Variants in EFCAB8 observed in about 807,000 individuals in gnomAD.
The protein encoded by EFCAB8 is EF-hand calcium binding domain 8.
Under a neutral mutation model 116.3 loss-of-function variants are expected in EFCAB8, and 100 were observed. The observed-to-expected ratio is 0.86, with a 90% confidence interval of 0.73 to 1.02. EFCAB8 has a LOEUF of 1.02. Among genes scored for constraint, EFCAB8 ranks in the 50% least tolerant of loss-of-function variants. The pLI is 0.00. For missense variants in EFCAB8, 1,320 were observed against 1,416.9 expected, an observed-to-expected ratio of 0.93 and a Z score of 1.10; for synonymous variants, 558 against 567.9, an observed-to-expected ratio of 0.98 and a Z score of 0.25.
At chr20:32,961,034 G>A (rs1257777350) in intron 26 of EFCAB8, 102 bp from the exon 27 acceptor site, 18 of 1,010,658 alleles carry the variant, frequency 1.8e-5, no homozygotes, top group Non-Finnish European at 2.5e-5. Context: ...CTTGGCATGG[G>A]AAGACCTCAG....
chr20:32,877,325 C>T (rs1985031136), intron 4 of EFCAB8, among the ~76,000 whole-genome samples: 1 of 148,996 alleles, frequency 6.7e-6, no homozygotes, highest in African/African-American at 2.4e-5. Flanking sequence ...TCTCCTGCCT[C>T]AGCCTCCCGA....
intron 11 of EFCAB8, among the ~76,000 whole-genome samples, chr20:32,901,027 T>G (rs1986402471): frequency 6.6e-6 from 1 of 152,240 alleles, no homozygotes; most frequent in Non-Finnish European, 1.5e-5. Context: ...AACCAAACAG[T>G]GCACTGTGTA....
chr20:32,867,866 G>T (rs1171737713), intron 3 of EFCAB8, 119 bp downstream of exon 3: 16 of 1,167,638 alleles, frequency 1.4e-5, no homozygotes, highest in Middle Eastern at 6.0e-4. Context: ...TTTGAGACAG[G>T]ATATTGCTCT....
chr20:32,889,321 C>A lies in EFCAB8; in HGVS notation c.588C>A (p.Leu196=), dbSNP rs1191973293. 6.4e-7 allele frequency: 1 copy of A among 1,551,620 alleles called. No individual in the cohort carries two copies. Among genetic ancestry groups the A allele is most frequent in the African/African-American group, 1.4e-5 (1 of 73,042 alleles). The change falls in exon 7 of 27, where the codon CTC becomes CTA. Residue 196 remains leucine, a synonymous_variant. Transcript: ENST00000400522. ...GCCAGCTTAACCAGACCCAGCAGCTCTACAACCAGCCGATGTGGGTCATTG... is the reference window on the plus strand; with the variant it reads ...GCCAGCTTAACCAGACCCAGCAGCTATACAACCAGCCGATGTGGGTCATTG... ...SSFRLNQTQQ[L]YNQPMWVIDM...
In EFCAB8 at chr20:32,890,932, A is replaced by G. The variant is rs542644346; in HGVS notation, c.674-1281A>G. 2.0e-5 allele frequency among the ~76,000 whole-genome samples: 3 copies of G among 152,318 alleles called. No homozygotes were observed. In the East Asian group the frequency reaches 5.8e-4, roughly 29 times the overall value. On this transcript the variant is annotated intron_variant, in intron 7 of 26. Transcript: ENST00000400522. ...GCAGTTAATCAACACTGACATCATTATGAGGCTAAATTGTGTGATACAGAG... is the reference window on the plus strand; with the variant it reads ...GCAGTTAATCAACACTGACATCATTGTGAGGCTAAATTGTGTGATACAGAG...
intron 11 of EFCAB8, 150 bp downstream of exon 11, chr20:32,898,773 G>A (rs1986287356): frequency 3.3e-6 from 2 of 600,900 alleles, no homozygotes; most frequent in East Asian, 5.5e-5. Context: ...AGCACGGTGA[G>A]AACACAGCAG....
chr20:32,920,935 G>T (rs1987422295), intron 20 of EFCAB8, among the ~76,000 whole-genome samples: 1 of 152,108 alleles, frequency 6.6e-6, no homozygotes, highest in African/African-American at 2.4e-5. Flanking sequence ...TACCGAACAC[G>T]AGTTGGGTAT....
intron 17 of EFCAB8, among the ~76,000 whole-genome samples, chr20:32,916,435 T>C (rs747353844): frequency 2.0e-5 from 3 of 152,196 alleles, no homozygotes; most frequent in Non-Finnish European, 4.4e-5. Context: ...TTAAAATTTT[T>C]TTTTGTAGAG....
intron 9 of EFCAB8, among the ~76,000 whole-genome samples, chr20:32,895,960 G>A (rs1361475234): frequency 2.0e-5 from 3 of 152,144 alleles, no homozygotes; most frequent in Non-Finnish European, 4.4e-5. Context: ...CACTGCGCCT[G>A]GCCCAGACAT....
chr20:32,954,485 A>G (rs751191213), intron 23 of EFCAB8, among the ~76,000 whole-genome samples: 1 of 152,094 alleles, frequency 6.6e-6, no homozygotes, highest in African/African-American at 2.4e-5. Flanking sequence ...CCATTGGTTT[A>G]TATGTCTGTT....
intron 9 of EFCAB8, among the ~76,000 whole-genome samples, chr20:32,895,313 A>ATTTTTTTTTTTT (rs11353110): frequency 1.6e-5 from 2 of 127,732 alleles, no homozygotes; most frequent in Non-Finnish European, 1.6e-5. Context: ...TTTATTTAAG[A>ATTTTTTTTTTTT]TTTTTTTTTT....
At chr20:32,893,366 C>T in intron 9 of EFCAB8, 68 bp downstream of exon 9, 4 of 1,538,466 alleles carry the variant, frequency 2.6e-6, no homozygotes, top group Non-Finnish European at 3.5e-6. Flanking sequence ...TGAGGTCATC[C>T]TGGTCCCCGA....
chr20:32,885,454 TC>T, intron 5 of EFCAB8, 50 bp from the exon 6 acceptor site: 1 of 1,547,606 alleles, frequency 6.5e-7, no homozygotes, highest in Non-Finnish European at 8.7e-7. Flanking sequence ...AGGTGCCCCC[TC>T]CCTGAGCTGT....
intron 4 of EFCAB8, among the ~76,000 whole-genome samples, chr20:32,877,739 T>G (rs1985057226): frequency 6.6e-6 from 1 of 152,202 alleles, no homozygotes; most frequent in Non-Finnish European, 1.5e-5. Flanking sequence ...AGTCTGGAGT[T>G]GCGCCAGTGG....
intron 22 of EFCAB8, among the ~76,000 whole-genome samples, chr20:32,934,588 C>T (rs996877193): frequency 8.5e-5 from 13 of 152,312 alleles, no homozygotes; most frequent in African/African-American, 3.1e-4. Context: ...ACACAAATCT[C>T]ATCTTGAATT....
At chr20:32,869,174 A>G (rs955084749) in intron 3 of EFCAB8, among the ~76,000 whole-genome samples, 1 of 152,028 alleles carries the variant, frequency 6.6e-6, no homozygotes. Context: ...GGATTCACCA[A>G]CAGAGCTGTT....
At chr20:32,889,115 G>A (rs1393119539) in intron 6 of EFCAB8, among the ~76,000 whole-genome samples, 186 bp from the exon 7 acceptor site, 2 of 152,138 alleles carry the variant, frequency 1.3e-5, no homozygotes, top group Non-Finnish European at 2.9e-5. Flanking sequence ...TACGAATGTG[G>A]AAACTGAGAC....
chr20:32,959,280 C>T (rs1000155448), intron 24 of EFCAB8, among the ~76,000 whole-genome samples: 1 of 152,214 alleles, frequency 6.6e-6, no homozygotes, highest in African/African-American at 2.4e-5. Context: ...GGACAATCTA[C>T]ATGATTGAGT....
chr20:32,892,831 C>CT lies in EFCAB8; in HGVS notation c.759-327dup, dbSNP rs59567336. Among the ~76,000 whole-genome samples the CT allele has an allele frequency of 6.9e-3, 919 of 134,060 alleles. 5 individuals carry two copies. Among genetic ancestry groups the CT allele is most frequent in the South Asian group, 0.014 (58 of 4,094 alleles). 87.9% of individuals were successfully genotyped at this position (134,060 alleles called of 152,430 possible). A position where few individuals can be genotyped will look rare whatever the true frequency, so the allele number is the denominator to read the frequency against. On this transcript the variant is annotated intron_variant, in intron 8 of 26. Coordinates refer to ENST00000400522, the MANE Select transcript of EFCAB8 (RefSeq NM_001143967.2). ...GGAGGGAGTGGAGGCTCCACAGCCT[C>CT]TTTTTTTTTTTTTTTTCTTTTTTTT... is the stretch of plus-strand genomic sequence containing the variant.
Sources: allele counts gnomAD v4.1 joint callset (sites outside exome capture counted in the v4.1 genomes callset), GRCh38; gene constraint gnomAD v4.1.1; transcripts MANE v1.5; gene names NCBI Gene and HGNC (gene_info 2026-07-23, HGNC 2026-07-21).